Variants in ITGA1 observed in about 807,000 individuals in gnomAD.
ITGA1 encodes integrin subunit alpha 1.
ITGA1 carries 85 observed loss-of-function variants against 145.9 expected under a neutral mutation model. The ratio of observed to expected loss-of-function variants is 0.58; its 90% CI spans 0.49 to 0.70. ITGA1 has a LOEUF of 0.70. Ranked by LOEUF, ITGA1 falls within the 30% of genes least tolerant of loss-of-function variation. The pLI is 0.00. For synonymous variants in ITGA1, 520 were observed against 495.3 expected (o/e 1.05, Z -0.66); for missense variants, 1,351 against 1,418.7 (o/e 0.95, Z 0.77).
chr5:52,946,504 C>G (rs1751137613), intron 27 of ITGA1, among the ~76,000 whole-genome samples: 2 of 152,080 alleles, frequency 1.3e-5, no homozygotes, highest in African/African-American at 4.8e-5. Flanking sequence ...AAATCTCTCC[C>G]CTGTTAGTTT....
Position 52,897,475 on chromosome 5 carries a change from GC to G in ITGA1, c.1112del (p.Ala371ValfsTer26). 6.2e-7 allele frequency: 1 copy of G among 1,612,768 alleles called. No homozygotes were observed. The highest frequency in any genetic ancestry group is 8.5e-7 in the Non-Finnish European group (1 of 1,178,994). ...TATAGCCACAGCTGACCAGTCAGCA[GC>G]TTCATTTGAAATGGAAATGTCTCAG... ...ALEATADQSAASFEMEMSQTG... is the reference protein window; with the variant it reads ...ALEATADQSAXSFEMEMSQTG... On this transcript the variant is annotated frameshift_variant, in exon 10 of 29. Transcript: ENST00000282588. LOFTEE classifies it high-confidence loss of function.
At chr5:52,905,227 T>C (rs1443218709) in intron 11 of ITGA1, 4 of 152,174 alleles carry the variant, frequency 2.6e-5, no homozygotes, top group African/African-American at 9.7e-5. Flanking sequence ...ATACCAAAAA[T>C]ATTAAAACCA....
intron 1 of ITGA1, among the ~76,000 whole-genome samples, chr5:52,838,667 C>T (rs1370790114): frequency 1.3e-5 from 2 of 151,998 alleles, no homozygotes; most frequent in Non-Finnish European, 2.9e-5. Flanking sequence ...ATAGGTAGGC[C>T]TCATTTTATG....
At chr5:52,841,688 A>G (rs151290608) in intron 1 of ITGA1, among the ~76,000 whole-genome samples, 57 of 152,352 alleles carry the variant, frequency 3.7e-4, no homozygotes, top group African/African-American at 1.3e-3. Context: ...CAACTTTCAC[A>G]AACTCTTATT....
In ITGA1 at chr5:52,918,767, A is replaced by C; in HGVS notation, c.2024A>C (p.Asn675Thr). 6.2e-7 allele frequency: 1 copy of C among 1,612,328 alleles called. No individual in the cohort carries two copies. The highest frequency in any genetic ancestry group is 8.5e-7 in the Non-Finnish European group (1 of 1,179,250). Residue 675 changes from asparagine to threonine, a missense_variant, in exon 16 of 29, where the codon AAT becomes ACT. Transcript: ENST00000282588. ...RDVAVVKVTMNFEPNKVNIQK... is the reference protein window; with the variant it reads ...RDVAVVKVTMTFEPNKVNIQK... ...GTGGCCGTAGTTAAAGTGACCATGA[A>C]TTTTGAGCCAAATAAAGTGAATATT...
At chr5:52,946,276 T>G (rs933890482) in intron 27 of ITGA1, among the ~76,000 whole-genome samples, 2 of 152,200 alleles carry the variant, frequency 1.3e-5, no homozygotes, top group Non-Finnish European at 2.9e-5. Context: ...CTCATGTCTG[T>G]CATCCCAGCC....
In ITGA1 at chr5:52,898,251, C is replaced by T. The variant is rs1750261520; in HGVS notation, c.1177C>T (p.Leu393Phe). 10 of 1,585,352 alleles carry T rather than the reference C, an allele frequency of 6.3e-6. No individual in the cohort carries two copies. Among genetic ancestry groups the T allele is most frequent in the South Asian group, 1.2e-5 (1 of 85,036 alleles). Residue 393 changes from leucine (L) to phenylalanine (F), a missense_variant, in exon 11 of 29, where the codon CTT becomes TTT. By Grantham distance (22) the Leu-to-Phe change is conservative. Transcript: ENST00000282588. ...SAHYSQDWVM[L>F]GAVGAYDWNG... is the part of the protein sequence containing the mutation. ...ATTTGCATGTAAGGACTGGGTCATG[C>T]TTGGAGCAGTAGGAGCCTATGATTG...
intron 14 of ITGA1, among the ~76,000 whole-genome samples, chr5:52,911,336 ATATATAG>A (rs1750523257): frequency 7.4e-6 from 1 of 134,430 alleles, no homozygotes; most frequent in African/African-American, 2.7e-5. Flanking sequence ...TATATAGTGT[ATATATAG>A]TATATAGTGT....
intron 2 of ITGA1, among the ~76,000 whole-genome samples, chr5:52,859,702 T>C (rs1749568905): frequency 6.6e-6 from 1 of 152,230 alleles, no homozygotes; most frequent in African/African-American, 2.4e-5. Context: ...GCAGACATTC[T>C]TTCTCCATGC....
chr5:52,928,739 G>T (rs1750849505), intron 20 of ITGA1, among the ~76,000 whole-genome samples: 14 of 152,202 alleles, frequency 9.2e-5, no homozygotes, highest in Admixed American at 9.2e-4. Context: ...ATGAATGGTG[G>T]ATGAGCTGAG....
chr5:52,817,418 A>G (rs1415252776), intron 1 of ITGA1, among the ~76,000 whole-genome samples: 1 of 152,232 alleles, frequency 6.6e-6, no homozygotes, highest in African/African-American at 2.4e-5. Context: ...TAGACGTTCA[A>G]TAAATGTTAA....
At chr5:52,853,595 A>G (rs1201209819) in intron 2 of ITGA1, among the ~76,000 whole-genome samples, 1 of 152,220 alleles carries the variant, frequency 6.6e-6, no homozygotes, top group East Asian at 1.9e-4. Flanking sequence ...TGAAAAACAT[A>G]GCTTTAATTC....
chr5:52,879,573 G>T (rs978494151), intron 6 of ITGA1, among the ~76,000 whole-genome samples: 3 of 152,086 alleles, frequency 2.0e-5, no homozygotes, highest in African/African-American at 7.2e-5. Context: ...TTGAAGAAAA[G>T]AATTTTAAAT....
chr5:52,908,859 G>A, intron 12 of ITGA1, 39 bp from the exon 13 acceptor site: 1 of 1,603,166 alleles, frequency 6.2e-7, no homozygotes, highest in Non-Finnish European at 8.5e-7. Context: ...GAGAATTTCT[G>A]TTGTTCATTG....
rs368266421 is a variant in ITGA1, at chr5:52,953,416, G to A, written c.*965G>A. Reference sequence around the variant, plus strand: ...AAGAAAGAGTTGTCTCAACTCCTTGGTACAGGGTTCATTCAAACCCCCAAG... The same window carrying A: ...AAGAAAGAGTTGTCTCAACTCCTTGATACAGGGTTCATTCAAACCCCCAAG... On this transcript the variant is annotated 3_prime_UTR_variant, in exon 29 of 29. Coordinates refer to ENST00000282588, the MANE Select transcript of ITGA1 (RefSeq NM_181501.2). The A allele has an allele frequency of 6.6e-6, 1 of 152,154 alleles. No individual in the cohort carries two copies. Among genetic ancestry groups the A allele is most frequent in the Admixed American group, 6.5e-5 (1 of 15,274 alleles). The allele number at this position is 152,154 out of a possible 1,614,324, so 9.4% of individuals were successfully genotyped here. A position where few individuals can be genotyped will look rare whatever the true frequency, so the allele number is the denominator to read the frequency against.
chr5:52,826,052 G>T (rs1748956731), intron 1 of ITGA1, among the ~76,000 whole-genome samples: 1 of 152,196 alleles, frequency 6.6e-6, no homozygotes, highest in African/African-American at 2.4e-5. Flanking sequence ...AGTGAGGAAA[G>T]CATATTGAAA....
At position 52,952,401 on chromosome 5, in the gene ITGA1, C is replaced by A; in HGVS notation, c.3496-6C>A. The A allele has an allele frequency of 7.1e-7, 1 of 1,411,000 alleles. No homozygotes were observed. Among genetic ancestry groups the A allele is most frequent in the South Asian group, 1.3e-5 (1 of 75,874 alleles). The allele number at this position is 1,411,000 out of a possible 1,614,324, so 87.4% of individuals were successfully genotyped here. ...AATTGTGTTATGTTTTGTGTTTTCT[C>A]AACAGATTGGATTCTTCAAAAGACC... is the stretch of plus-strand genomic sequence containing the variant. On this transcript the variant is annotated splice_polypyrimidine_tract_variant and splice_region_variant and intron_variant, in intron 28 of 28. Transcript: ENST00000282588.
intron 26 of ITGA1, among the ~76,000 whole-genome samples, chr5:52,941,084 T>C (rs1751047199): frequency 6.6e-6 from 1 of 152,188 alleles, no homozygotes; most frequent in African/African-American, 2.4e-5. Flanking sequence ...TCCATCTGCA[T>C]GTATGTTGCT....
chr5:52,933,822 A>G, intron 22 of ITGA1, 72 bp from the exon 23 acceptor site: 1 of 688,008 alleles, frequency 1.5e-6, no homozygotes, highest in Admixed American at 2.9e-5. Context: ...TGATATGGAG[A>G]AAGAAAATAA....
Sources: allele counts gnomAD v4.1 joint callset (sites outside exome capture counted in the v4.1 genomes callset), GRCh38; gene constraint gnomAD v4.1.1; transcripts MANE v1.5; gene names NCBI Gene and HGNC (gene_info 2026-07-23, HGNC 2026-07-21).